TMTC2: variants seen among roughly 807,000 people sequenced by gnomAD.
The protein encoded by TMTC2 is protein O-mannosyl-transferase TMTC2.
A neutral mutation model predicts 82.4 loss-of-function variants in TMTC2; 43 were observed. The observed-to-expected ratio is 0.52, with a 90% CI of 0.41 to 0.67. TMTC2 has a LOEUF of 0.67. TMTC2 is among the 30% of genes least tolerant of loss of function. The pLI, the probability that TMTC2 is intolerant of heterozygous loss-of-function variation, is 0.00. For missense variants in TMTC2, 919 were observed against 1,012.4 expected, an observed-to-expected ratio of 0.91 and a Z score of 1.25; for synonymous variants, 408 against 381.9, an observed-to-expected ratio of 1.07 and a Z score of -0.80.
In TMTC2 at chr12:83,051,023, GT is replaced by G. The variant is rs751936065; in HGVS notation, c.2267+12del. The G allele has an allele frequency of 2.3e-5, 37 of 1,599,256 alleles. No individual in the cohort carries two copies. Among genetic ancestry groups the G allele is most frequent in the Non-Finnish European group, 2.7e-5 (32 of 1,172,564 alleles). Reference sequence around the variant, plus strand: ...CAATGCTGCCCACATGCTCAGGTTAGTTTTTTTGCTGCTGTGCCTCAAAGCC... The same window carrying G: ...CAATGCTGCCCACATGCTCAGGTTAGTTTTTTGCTGCTGTGCCTCAAAGCC... On this transcript the variant is annotated splice_donor_region_variant and intron_variant, in intron 10 of 11. Coordinates refer to ENST00000321196, the MANE Select transcript of TMTC2 (RefSeq NM_152588.3).
chr12:83,030,676 A>ATT, intron 8 of TMTC2, 122 bp from the exon 9 acceptor site: 1 of 592,556 alleles, frequency 1.7e-6, no homozygotes, highest in Non-Finnish European at 2.9e-6. Flanking sequence ...AAAAACAAAA[A>ATT]TTTTTTTTTT....
chr12:82,919,559 T>G (rs963292519), intron 3 of TMTC2, among the ~76,000 whole-genome samples: 17 of 152,164 alleles, frequency 1.1e-4, no homozygotes, highest in African/African-American at 4.1e-4. Context: ...GCTCAAGGCA[T>G]GATCTGTATA....
intron 1 of TMTC2, among the ~76,000 whole-genome samples, chr12:82,702,303 C>T (rs1209097582): frequency 6.6e-6 from 1 of 152,196 alleles, no homozygotes; most frequent in Non-Finnish European, 1.5e-5. Context: ...TCTGTTCCTA[C>T]TGATAACTAA....
chr12:83,078,805 A>G (rs896952347), intron 11 of TMTC2, among the ~76,000 whole-genome samples: 4 of 152,154 alleles, frequency 2.6e-5, no homozygotes, highest in African/African-American at 7.2e-5. Context: ...TGACTCTGAG[A>G]TGCTGCTTTA....
At chr12:82,736,127 T>G (rs895044477) in intron 1 of TMTC2, among the ~76,000 whole-genome samples, 1 of 152,182 alleles carries the variant, frequency 6.6e-6, no homozygotes, top group Non-Finnish European at 1.5e-5. Context: ...CCATAGGAAA[T>G]GAGCAATAGG....
intron 4 of TMTC2, among the ~76,000 whole-genome samples, chr12:82,941,946 A>C (rs183028707): frequency 6.6e-6 from 1 of 152,082 alleles, no homozygotes; most frequent in Non-Finnish European, 1.5e-5. Flanking sequence ...GGTTTTCACC[A>C]TGTTGGCCAG....
chr12:82,713,064 A>G (rs1350351225), intron 1 of TMTC2, among the ~76,000 whole-genome samples: 2 of 152,198 alleles, frequency 1.3e-5, no homozygotes, highest in African/African-American at 4.8e-5. Context: ...TCACACCTGT[A>G]ATCCCAGCAC....
intron 1 of TMTC2, among the ~76,000 whole-genome samples, chr12:82,827,168 C>T (rs1869463879): frequency 6.6e-6 from 1 of 152,122 alleles, no homozygotes; most frequent in Non-Finnish European, 1.5e-5. Flanking sequence ...ACAACAAAGA[C>T]ATTGAAAGTT....
At chr12:82,978,074 A>G (rs1159217873) in intron 7 of TMTC2, among the ~76,000 whole-genome samples, 1 of 151,782 alleles carries the variant, frequency 6.6e-6, no homozygotes, top group Non-Finnish European at 1.5e-5. Flanking sequence ...CAGTCTTATA[A>G]AATTATGATC....
At chr12:82,884,375 T>C (rs377537129) in intron 2 of TMTC2, among the ~76,000 whole-genome samples, 2 of 152,214 alleles carry the variant, frequency 1.3e-5, no homozygotes, top group East Asian at 3.9e-4. Context: ...GAAATCAATG[T>C]GTCCTCTCGT....
chr12:82,902,603 C>G (rs553613716), intron 3 of TMTC2, among the ~76,000 whole-genome samples: 3 of 152,298 alleles, frequency 2.0e-5, no homozygotes, highest in Admixed American at 6.5e-5. Flanking sequence ...TATGCTTAAC[C>G]AGCAGCCATG....
At chr12:82,958,666 T>G (rs1877751905) in intron 4 of TMTC2, among the ~76,000 whole-genome samples, 1 of 152,022 alleles carries the variant, frequency 6.6e-6, no homozygotes, top group South Asian at 2.1e-4. Flanking sequence ...AAACTAGACA[T>G]TGAGGGAACA....
chr12:83,113,732 C>T (rs1364234933), intron 11 of TMTC2, among the ~76,000 whole-genome samples: 3 of 152,140 alleles, frequency 2.0e-5, no homozygotes, highest in Non-Finnish European at 4.4e-5. Flanking sequence ...CATGTATCAA[C>T]GAAGTCTTGG....
chr12:82,862,082 T>A (rs1871582361), intron 2 of TMTC2, among the ~76,000 whole-genome samples: 1 of 152,202 alleles, frequency 6.6e-6, no homozygotes. Flanking sequence ...TCTTGACCTC[T>A]CACTAAATGA....
At chr12:83,054,335 A>C (rs1468969627) in intron 10 of TMTC2, among the ~76,000 whole-genome samples, 1 of 152,108 alleles carries the variant, frequency 6.6e-6, no homozygotes, top group Non-Finnish European at 1.5e-5. Flanking sequence ...GATTACTAAG[A>C]GATTAATAGG....
intron 3 of TMTC2, among the ~76,000 whole-genome samples, chr12:82,918,737 TCTTTCTCTCCCTC>T (rs1198020163): frequency 4.7e-5 from 7 of 148,290 alleles, no homozygotes; most frequent in Non-Finnish European, 7.5e-5. Context: ...TCTCTCTCTC[TCTTTCTCTCCCTC>T]TCTCTCTCTC....
rs1038824042 is a variant in TMTC2 at position 83,102,965 on chromosome 12, C to T, written c.2332-29245C>T. Among the ~76,000 whole-genome samples the T allele has an allele frequency of 3.9e-5, 6 of 152,114 alleles. No individual in the cohort carries two copies. The South Asian group carries it at 6.2e-4, about 16-fold the overall frequency. On this transcript the variant is annotated intron_variant, in intron 11 of 11. Coordinates refer to ENST00000321196, the MANE Select transcript of TMTC2 (RefSeq NM_152588.3). ...CGGCAATACACAAAGATACTCTCCC[C>T]TAGATTCTTTCCTCTGGTAGAGGAT...
intron 2 of TMTC2, among the ~76,000 whole-genome samples, chr12:82,878,768 T>C (rs1302429044): frequency 1.3e-5 from 2 of 152,116 alleles, no homozygotes; most frequent in African/African-American, 4.8e-5. Flanking sequence ...CCAGGTGCGG[T>C]GCCATGTTCT....
rs185689272 is a variant in TMTC2, at chr12:83,045,979, G to T, written c.2153-4925G>T. Among the ~76,000 whole-genome samples the T allele has an allele frequency of 7.2e-5, 11 of 152,136 alleles. No homozygotes were observed. In the East Asian group the frequency reaches 1.9e-3, roughly 27 times the overall value. ...CAGCCTATAAAACCCCAAGTCAAAA[G>T]GTCAAGCCTCACACTTGCCTTTCAA... On this transcript the variant is annotated intron_variant, in intron 9 of 11. Transcript: ENST00000321196.
Sources: gnomAD v4.1 joint callset for allele counts (sites outside exome capture counted in the v4.1 genomes callset) on GRCh38, gnomAD v4.1.1 for gene constraint, MANE v1.5 for transcripts, NCBI Gene and HGNC (gene_info 2026-07-23, HGNC 2026-07-21) for gene names.